The following MIGA1 variants were observed in gnomAD, a reference collection of about 807,000 sequenced individuals.
MIGA1 encodes family with sequence similarity 73, member A.
MIGA1 carries 58 observed loss-of-function variants against 82.0 expected under a neutral mutation model. The ratio of observed to expected loss-of-function variants is 0.71; its 90% CI spans 0.57 to 0.88. MIGA1 has a LOEUF of 0.88. MIGA1 is among the 40% of genes least tolerant of loss of function. The pLI is 0.00. For missense variants in MIGA1, 751 were observed against 749.1 expected (o/e 1.00, Z -0.03); for synonymous variants, 249 against 253.6 (o/e 0.98, Z 0.17).
intron 8 of MIGA1, chr1:77,848,034 A>G (rs1437469644): frequency 1.6e-6 from 2 of 1,280,140 alleles, no homozygotes; most frequent in Non-Finnish European, 2.3e-6. Context: ...GCACAGTGCC[A>G]GACACCACAC....
chr1:77,801,465 G>A lies in MIGA1; in HGVS notation c.330G>A (p.Glu110=), dbSNP rs367766355. ...GAAAAATATTACCATGGGAACCAGA[G>A]CACCTCATACTTGAATACACTAAAA... Residue 110 remains glutamate (E), a synonymous_variant, in exon 3 of 16, where the codon GAG becomes GAA. Coordinates refer to ENST00000370791, the MANE Select transcript of MIGA1 (RefSeq NM_198549.4). 6.2e-6 allele frequency: 10 copies of A among 1,605,428 alleles called. No individual in the cohort carries two copies. Among genetic ancestry groups the A allele is most frequent in the Middle Eastern group, 1.7e-4 (1 of 6,046 alleles).
chr1:77,802,104 C>A (rs187682350), intron 3 of MIGA1, among the ~76,000 whole-genome samples: 1 of 152,082 alleles, frequency 6.6e-6, no homozygotes, highest in Non-Finnish European at 1.5e-5. Context: ...GTAAAGATAT[C>A]GTATGAATAA....
chr1:77,831,495 A>G (rs150652037), intron 7 of MIGA1, among the ~76,000 whole-genome samples: 24 of 151,960 alleles, frequency 1.6e-4, no homozygotes, highest in African/African-American at 5.8e-4. Context: ...AAATTTTATT[A>G]TCTGAATTAT....
At position 77,855,906 on chromosome 1, in the gene MIGA1, C is replaced by T. The variant is rs150900029; in HGVS notation, c.997-3032C>T. Among the ~76,000 whole-genome samples, 532 of 152,228 alleles carry T rather than the reference C, an allele frequency of 3.5e-3. 1 individual carries two copies. Among genetic ancestry groups the T allele is most frequent in the Middle Eastern group, 0.014 (4 of 294 alleles). Reference sequence around the variant, plus strand: ...TATTTCTTTCTCCTGTCTGATTGCTCTGGCTAGGTCTTCCAGTACTATGTT... The same window carrying T: ...TATTTCTTTCTCCTGTCTGATTGCTTTGGCTAGGTCTTCCAGTACTATGTT... On this transcript the variant is annotated intron_variant, in intron 8 of 15. Coordinates refer to ENST00000370791, the MANE Select transcript of MIGA1 (RefSeq NM_198549.4).
intron 7 of MIGA1, among the ~76,000 whole-genome samples, chr1:77,840,153 A>G (rs934422558): frequency 5.3e-5 from 8 of 152,216 alleles, no homozygotes; most frequent in African/African-American, 1.9e-4. Context: ...TATCTAAGAA[A>G]CAGAAGTATT....
chr1:77,866,196 TGA>T, intron 13 of MIGA1, 140 bp from the exon 14 acceptor site: 2 of 675,386 alleles, frequency 3.0e-6, no homozygotes, highest in East Asian at 5.8e-5. Flanking sequence ...ATTACAGATG[TGA>T]GCCACTGTGC....
intron 7 of MIGA1, among the ~76,000 whole-genome samples, chr1:77,834,561 A>G (rs1684358120): frequency 6.6e-6 from 1 of 152,220 alleles, no homozygotes; most frequent in Non-Finnish European, 1.5e-5. Context: ...TCAAGAAAAT[A>G]TTATAACTGT....
chr1:77,823,567 G>T (rs966701049), intron 7 of MIGA1, among the ~76,000 whole-genome samples: 1 of 152,024 alleles, frequency 6.6e-6, no homozygotes, highest in African/African-American at 2.4e-5. Context: ...TTTTGTTTTG[G>T]GTTTTTTGGT....
At chr1:77,840,955 G>A (rs1390504589) in intron 7 of MIGA1, among the ~76,000 whole-genome samples, 1 of 152,104 alleles carries the variant, frequency 6.6e-6, no homozygotes, top group Non-Finnish European at 1.5e-5. Context: ...GGTTGTACAC[G>A]AGGATTAAGT....
chr1:77,871,920 A>G (rs1048964138), intron 14 of MIGA1, among the ~76,000 whole-genome samples: 5 of 152,178 alleles, frequency 3.3e-5, no homozygotes, highest in African/African-American at 7.2e-5. Flanking sequence ...TTATACAACT[A>G]AGGAACACTG....
At chr1:77,829,604 G>A (rs1457546867) in intron 7 of MIGA1, among the ~76,000 whole-genome samples, 1 of 152,030 alleles carries the variant, frequency 6.6e-6, no homozygotes, top group Non-Finnish European at 1.5e-5. Context: ...TAGTAGCTGG[G>A]AGTACAGGCA....
At chr1:77,798,267 C>T (rs563908330) in intron 2 of MIGA1, among the ~76,000 whole-genome samples, 5 of 152,284 alleles carry the variant, frequency 3.3e-5, no homozygotes, top group African/African-American at 1.2e-4. Flanking sequence ...TTGCCTTTTC[C>T]AGCTTCTGGT....
chr1:77,835,656 A>G (rs1195775569), intron 7 of MIGA1, among the ~76,000 whole-genome samples: 1 of 152,170 alleles, frequency 6.6e-6, no homozygotes, highest in Non-Finnish European at 1.5e-5. Context: ...TATTAGAAAC[A>G]TAAGAAATAA....
chr1:77,831,816 G>C (rs1220669286), intron 7 of MIGA1, among the ~76,000 whole-genome samples: 2 of 152,162 alleles, frequency 1.3e-5, no homozygotes, highest in Non-Finnish European at 2.9e-5. Context: ...CTGGGTGTGA[G>C]GTGGGAGGAT....
At chr1:77,808,289 A>T (rs959492875) in intron 5 of MIGA1, among the ~76,000 whole-genome samples, 2 of 152,076 alleles carry the variant, frequency 1.3e-5, no homozygotes, top group Admixed American at 1.3e-4. Context: ...CTGTGTTGGG[A>T]TTCTTAATTA....
intron 2 of MIGA1, among the ~76,000 whole-genome samples, chr1:77,800,284 C>CA (rs1349046309): frequency 1.3e-5 from 2 of 152,188 alleles, no homozygotes; most frequent in Non-Finnish European, 2.9e-5. Flanking sequence ...AGCCTCTCAA[C>CA]AGTGTATTCT....
intron 5 of MIGA1, chr1:77,811,582 G>A: frequency 6.2e-7 from 1 of 1,610,106 alleles, no homozygotes; most frequent in Non-Finnish European, 8.5e-7. Context: ...CAAGCATGTT[G>A]CAATTTTGCC....
At chr1:77,847,912 TAAAG>T (rs759293836) in intron 8 of MIGA1, 6 of 1,467,552 alleles carry the variant, frequency 4.1e-6, no homozygotes, top group African/African-American at 2.8e-5. Flanking sequence ...GATGATGAAA[TAAAG>T]AAACTAGAGT....
chr1:77,859,777 GC>G, intron 10 of MIGA1: 2 of 394,900 alleles, frequency 5.1e-6, no homozygotes, highest in Non-Finnish European at 8.9e-6. Context: ...ATGTTTTGGG[GC>G]TATAGGAAAT....
Sources: allele counts gnomAD v4.1 joint callset (sites outside exome capture counted in the v4.1 genomes callset), GRCh38; gene constraint gnomAD v4.1.1; transcripts MANE v1.5; gene names NCBI Gene and HGNC (gene_info 2026-07-23, HGNC 2026-07-21).